The following GDF1 variants were observed in gnomAD, a reference collection of about 807,000 sequenced individuals.
GDF1 encodes growth differentiation factor 1.
Under a neutral mutation model 7.4 loss-of-function variants are expected in GDF1, and 8 were observed. That is an observed-to-expected ratio of 1.09 (90% CI 0.64 to 1.96). The LOEUF (loss-of-function observed/expected upper bound fraction) is 1.96, where lower values mean the gene tolerates loss of function less well. Among genes scored for constraint, GDF1 ranks in the 30% most tolerant of loss-of-function variants. The pLI, the probability that GDF1 is intolerant of heterozygous loss-of-function variation, is 0.00. For missense variants in GDF1, 574 were observed against 551.5 expected, an observed-to-expected ratio of 1.04 and a Z score of -0.41; for synonymous variants, 311 against 276.7, an observed-to-expected ratio of 1.12 and a Z score of -1.23.
At position 18,896,016 on chromosome 19, in the gene GDF1, G is replaced by A; in HGVS notation, c.-1266C>T. The A allele has an allele frequency of 9.9e-7, 1 of 1,009,008 alleles. No homozygotes were observed. Among genetic ancestry groups the A allele is most frequent in the Non-Finnish European group, 1.2e-6 (1 of 846,362 alleles). The allele number at this position is 1,009,008 out of a possible 1,614,324, so 62.5% of individuals were successfully genotyped here. On this transcript the variant is annotated 5_prime_UTR_variant, in exon 1 of 8. In the 5' UTR this introduces an upstream ATG that the reference lacks. Transcript: ENST00000247005. This position sits in a 1 kb window ranked among gnomAD's most constrained non-coding sequence, Gnocchi z 5.9. The stretch of plus-strand genomic sequence containing the variant: ...CCCAGCCGCGCTGCACTAGCTGCGC[G>A]TAGCTCGGCATGGGCTCGGGCCCCG...
At chr19:18,893,674 G>T in intron 1 of GDF1, 99 bp from the exon 2 acceptor site, 1 of 1,264,266 alleles carries the variant, frequency 7.9e-7, no homozygotes, top group Non-Finnish European at 1.1e-6. Flanking sequence ...CCCAGGCCGG[G>T]CAGCACTGGG....
intron 3 of GDF1, chr19:18,881,552 C>G: frequency 6.6e-6 from 1 of 152,054 alleles, no homozygotes; most frequent in East Asian, 1.9e-4. Flanking sequence ...GAAGGCCATC[C>G]CCTGTCCTTC....
intron 6 of GDF1, among the ~76,000 whole-genome samples, chr19:18,872,795 G>A (rs932530448): frequency 3.9e-5 from 6 of 151,986 alleles, no homozygotes; most frequent in East Asian, 1.9e-4. Flanking sequence ...GATTACAGGC[G>A]TGAGCGCCGC....
intron 6 of GDF1, among the ~76,000 whole-genome samples, chr19:18,877,108 C>T (rs1023501987): frequency 4.6e-5 from 7 of 152,332 alleles, no homozygotes; most frequent in African/African-American, 1.2e-4. Flanking sequence ...CTTGGAGAAT[C>T]GAATTCTGCT....
chr19:18,868,884 C>A lies in GDF1; in HGVS notation c.832G>T (p.Glu278Ter). ...RARRLYVSFR[E>*]VGWHRWVIAP... ...ATGACCCAGCGGTGCCAGCCCACCT[C>A]GCGGAAGCTCACGTACAGCCGCCGC... Residue 278 changes from glutamate (E) to a stop codon, truncating the protein, a stop_gained, in exon 8 of 8, where the codon GAG becomes TAG. Transcript: ENST00000247005. LOFTEE classifies it low-confidence loss of function (END_TRUNC). The A allele has an allele frequency of 7.0e-7, 1 of 1,431,234 alleles. No individual in the cohort carries two copies. The allele number at this position is 1,431,234 out of a possible 1,614,324, so 88.7% of individuals were successfully genotyped here.
intron 6 of GDF1, among the ~76,000 whole-genome samples, chr19:18,871,531 T>C (rs1237485163): frequency 1.3e-5 from 2 of 152,142 alleles, no homozygotes; most frequent in African/African-American, 4.8e-5. Flanking sequence ...CCCAGCTAAC[T>C]TTTTTTATTG....
At chr19:18,885,529 T>TC (rs1568302770) in intron 2 of GDF1, among the ~76,000 whole-genome samples, 1 of 148,796 alleles carries the variant, frequency 6.7e-6, no homozygotes, top group Admixed American at 6.7e-5. Context: ...TTTTTTTTTT[T>TC]TTTTTTTTGA....
At chr19:18,874,247 C>A (rs944229819) in intron 6 of GDF1, among the ~76,000 whole-genome samples, 3 of 152,162 alleles carry the variant, frequency 2.0e-5, no homozygotes, top group Non-Finnish European at 4.4e-5. Flanking sequence ...TGCCCAGGAA[C>A]CCTCAGGAGA....
At chr19:18,877,338 GCTCA>G (rs1388640001) in intron 6 of GDF1, among the ~76,000 whole-genome samples, 1 of 152,202 alleles carries the variant, frequency 6.6e-6, no homozygotes, top group African/African-American at 2.4e-5. Flanking sequence ...CCCACCATGA[GCTCA>G]CTGTTCTACA....
At chr19:18,890,446 C>G (rs1008648646) in intron 2 of GDF1, among the ~76,000 whole-genome samples, 1 of 152,198 alleles carries the variant, frequency 6.6e-6, no homozygotes, top group Non-Finnish European at 1.5e-5. Flanking sequence ...AATAAATAGA[C>G]ATGGAAATAA....
chr19:18,879,491 C>A, intron 4 of GDF1, 103 bp from the exon 5 acceptor site: 1 of 1,356,170 alleles, frequency 7.4e-7, no homozygotes, highest in Middle Eastern at 2.3e-4. Flanking sequence ...CTTATCCCAT[C>A]CTTGCCCACC....
chr19:18,869,593 G>A (rs946679234), intron 7 of GDF1, among the ~76,000 whole-genome samples: 1 of 151,192 alleles, frequency 6.6e-6, no homozygotes, highest in Non-Finnish European at 1.5e-5. Context: ...CGGCGGGGGG[G>A]GTGGGCTGCC....
chr19:18,893,122 C>T (rs1404869014), intron 2 of GDF1, among the ~76,000 whole-genome samples: 2 of 152,098 alleles, frequency 1.3e-5, no homozygotes, highest in Admixed American at 1.3e-4. Context: ...ACCATGTTAG[C>T]CAGGATGGTC....
Position 18,870,278 on chromosome 19 carries a change from G to A in GDF1, c.30C>T (p.Gly10=), listed in dbSNP as rs761038780. 7.7e-6 allele frequency: 12 copies of A among 1,548,854 alleles called. No homozygotes were observed. Among genetic ancestry groups the A allele is most frequent in the Non-Finnish European group, 1.0e-5 (12 of 1,148,828 alleles). Residue 10 remains glycine (G), a synonymous_variant, in exon 7 of 8, where the codon GGC becomes GGT. Coordinates refer to ENST00000247005, the MANE Select transcript of GDF1 (RefSeq NM_001492.6). The surrounding 1 kb of genome is among the most constrained non-coding windows in gnomAD (Gnocchi z 5.1). MPPPQQGPC[G]HHLLLLLALL... The stretch of plus-strand genomic sequence containing the variant: ...GGGCCAGGAGGAGGAGGAGGTGGTG[G>A]CCGCAGGGACCTTGCTGCGGCGGTG...
chr19:18,878,279 C>G lies in GDF1; in HGVS notation c.-313+651G>C, dbSNP rs1030287490. On this transcript the variant is annotated intron_variant, in intron 6 of 7. Transcript: ENST00000247005. The surrounding 1 kb of genome is among the most constrained non-coding windows in gnomAD (Gnocchi z 4.6). ...CTTGTTACCCAGTTTGGCCTCCGTT[C>G]ATCCCTGGCCCAGACACCCCCTGCC... The G allele has an allele frequency of 1.0e-6, 1 of 985,732 alleles. No homozygotes were observed. Among genetic ancestry groups the G allele is most frequent in the African/African-American group, 1.7e-5 (1 of 57,172 alleles). 61.1% of individuals were successfully genotyped at this position (985,732 alleles called of 1,614,324 possible).
In GDF1 at chr19:18,878,339, T is replaced by C. The variant is rs1009159170; in HGVS notation, c.-313+591A>G. Reference sequence around the variant, plus strand: ...CCTGGGGCTTCGGACACCATCTGGCTGTCACCCAGGGCTGGTGAGGCTCGT... The same window carrying C: ...CCTGGGGCTTCGGACACCATCTGGCCGTCACCCAGGGCTGGTGAGGCTCGT... On this transcript the variant is annotated intron_variant, in intron 6 of 7. Coordinates refer to ENST00000247005, the MANE Select transcript of GDF1 (RefSeq NM_001492.6). This position sits in a 1 kb window ranked among gnomAD's most constrained non-coding sequence, Gnocchi z 4.6. 8 of 985,962 alleles carry C rather than the reference T, an allele frequency of 8.1e-6. No homozygotes were observed. In the African/African-American group the frequency reaches 1.2e-4, roughly 15 times the overall value. 61.1% of individuals were successfully genotyped at this position (985,962 alleles called of 1,614,324 possible).
At chr19:18,892,546 G>A (rs550689460) in intron 2 of GDF1, among the ~76,000 whole-genome samples, 8 of 152,086 alleles carry the variant, frequency 5.3e-5, no homozygotes, top group South Asian at 2.1e-4. Context: ...CCCAGGAGGC[G>A]GAGCTCACAG....
chr19:18,872,837 T>C (rs2055999062), intron 6 of GDF1, among the ~76,000 whole-genome samples: 2 of 151,654 alleles, frequency 1.3e-5, no homozygotes, highest in Non-Finnish European at 2.9e-5. Context: ...TTAGTAGAGA[T>C]GGGATTTCAC....
At chr19:18,879,934 C>G (rs1341098218) in intron 4 of GDF1, among the ~76,000 whole-genome samples, 2 of 151,920 alleles carry the variant, frequency 1.3e-5, no homozygotes, top group East Asian at 2.0e-4. Context: ...TTGGCCCCAC[C>G]CCTGGCTTGC....
Sources: gnomAD v4.1 joint callset for allele counts (sites outside exome capture counted in the v4.1 genomes callset) on GRCh38, gnomAD v4.1.1 for gene constraint, Gnocchi (gnomAD v3.1) non-coding constraint, MANE v1.5 for transcripts, NCBI Gene and HGNC (gene_info 2026-07-23, HGNC 2026-07-21) for gene names.